The following ABCC6 variants were observed in gnomAD, a reference collection of about 807,000 sequenced individuals.
The protein encoded by ABCC6 is ATP binding cassette subfamily C member 6, also known as ATP-binding cassette sub-family C member 6.
ABCC6 carries 126 observed loss-of-function variants against 169.5 expected under a neutral mutation model. The ratio of observed to expected loss-of-function variants is 0.74; its 90% CI spans 0.64 to 0.86. ABCC6 has a LOEUF of 0.86. ABCC6 is among the 40% of genes least tolerant of loss of function. ABCC6 has a pLI of 0.00. For synonymous variants in ABCC6, 752 were observed against 814.7 expected, an observed-to-expected ratio of 0.92 and a Z score of 1.31; for missense variants, 1,733 against 1,927.2, an observed-to-expected ratio of 0.90 and a Z score of 1.89.
At chr16:16,220,748 A>T (rs2049043902) in intron 2 of ABCC6, among the ~76,000 whole-genome samples, 4 of 151,944 alleles carry the variant, frequency 2.6e-5, no homozygotes, top group Admixed American at 2.6e-4. Context: ...ATACAAAAAA[A>T]TAGCGAGGTG....
Position 16,188,947 on chromosome 16 carries a change from T to G in ABCC6, c.1663A>C (p.Thr555Pro), listed in dbSNP as rs1184073964. Residue 555 changes from threonine to proline, a missense_variant, in exon 13 of 31, where the codon ACT (threonine) becomes CCT (proline). This residue lies in a region of ABCC6 where 1,601 missense variants were observed against 1,635.5 expected (regional missense o/e 0.98). Transcript: ENST00000205557. ...LVALVVFAVHTLVAENAMNAE... is the reference protein window; with the variant it reads ...LVALVVFAVHPLVAENAMNAE... ...TTCATAGCATTCTCGGCCACCAGAG[T>G]GTGGACAGCAAACACCACCAGTGCG... 1 of 1,613,670 alleles carries G rather than the reference T, an allele frequency of 6.2e-7. No homozygotes were observed. The highest frequency in any genetic ancestry group is 2.2e-5 in the East Asian group (1 of 44,868).
At position 16,154,738 on chromosome 16, in the gene ABCC6, G is replaced by C; in HGVS notation, c.4098C>G (p.His1366Gln). The change falls in exon 29 of 31, where the codon CAC becomes CAG. Residue 1366 changes from histidine to glutamine, a missense_variant. His to Gln is a conservative substitution (Grantham distance 24). Coordinates refer to ENST00000205557, the MANE Select transcript of ABCC6 (RefSeq NM_001171.6). ...GGGCTGCCCAGATAGCCTCGTCCGA[G>C]TGCTCCTGCAGCAGGTCGAGGTTCA... ...LRMNLDLLQE[H>Q]SDEAIWAALE... 6.2e-7 allele frequency: 1 copy of C among 1,613,332 alleles called. No homozygotes were observed. The highest frequency in any genetic ancestry group is 8.5e-7 in the Non-Finnish European group (1 of 1,179,778).
At chr16:16,196,165 G>A (rs1386261991) in intron 10 of ABCC6, among the ~76,000 whole-genome samples, 1 of 145,664 alleles carries the variant, frequency 6.9e-6, no homozygotes, top group Non-Finnish European at 1.5e-5. Context: ...AGCCGAAGTT[G>A]TGCCATTGCA....
At chr16:16,206,530 C>G (rs2048397028) in intron 7 of ABCC6, among the ~76,000 whole-genome samples, 1 of 151,790 alleles carries the variant, frequency 6.6e-6, no homozygotes, top group African/African-American at 2.4e-5. Flanking sequence ...TGTGGCCTCT[C>G]AGGAGGACGC....
chr16:16,182,308 C>G (rs2047502359), intron 17 of ABCC6, 104 bp downstream of exon 17: 1 of 1,464,516 alleles, frequency 6.8e-7, no homozygotes, highest in Admixed American at 1.7e-5. Context: ...ACTTCCCTAA[C>G]CATTCCTCTC....
At chr16:16,212,715 G>A (rs1215909021) in intron 5 of ABCC6, among the ~76,000 whole-genome samples, 1 of 151,978 alleles carries the variant, frequency 6.6e-6, no homozygotes, top group African/African-American at 2.4e-5. Flanking sequence ...CGTAAAAAGA[G>A]GTTGGGCCAC....
chr16:16,166,186 ACCACAGGT>A (rs1451408911), intron 22 of ABCC6, among the ~76,000 whole-genome samples: 4 of 152,210 alleles, frequency 2.6e-5, no homozygotes, highest in Admixed American at 2.6e-4. Context: ...AGTAGCTGGG[ACCACAGGT>A]GTACGCCACC....
At chr16:16,211,507 G>A (rs2048620481) in intron 6 of ABCC6, among the ~76,000 whole-genome samples, 1 of 152,232 alleles carries the variant, frequency 6.6e-6, no homozygotes, top group Non-Finnish European at 1.5e-5. Flanking sequence ...TATGAGCTAA[G>A]TGCTACTATC....
intron 21 of ABCC6, among the ~76,000 whole-genome samples, chr16:16,172,262 G>A (rs113778398): frequency 8.4e-6 from 1 of 119,692 alleles, no homozygotes; most frequent in Non-Finnish European, 1.8e-5. Context: ...GGGTGGGTGG[G>A]ATGGATAAAT....
At position 16,173,315 on chromosome 16, in the gene ABCC6, G is replaced by A. The variant is rs2047171992; in HGVS notation, c.2756C>T (p.Pro919Leu). 1 of 1,614,012 alleles carries A rather than the reference G, an allele frequency of 6.2e-7. No homozygotes were observed. The highest frequency in any genetic ancestry group is 2.2e-5 in the East Asian group (1 of 44,866). ...PLDDPDRAGW[P>L]AGKDSIQYGR... ...GTATTGGATGCTGTCCTTTCCTGCTGGCCATCCTGCCCTGTCAGGGTCATC... is the reference window on the plus strand; with the variant it reads ...GTATTGGATGCTGTCCTTTCCTGCTAGCCATCCTGCCCTGTCAGGGTCATC... Residue 919 changes from proline (P) to leucine (L), a missense_variant, in exon 21 of 31, where the codon CCA becomes CTA. Coordinates refer to ENST00000205557, the MANE Select transcript of ABCC6 (RefSeq NM_001171.6).
At chr16:16,208,321 C>G (rs1208093251) in intron 7 of ABCC6, among the ~76,000 whole-genome samples, 1 of 151,764 alleles carries the variant, frequency 6.6e-6, no homozygotes, top group Non-Finnish European at 1.5e-5. Flanking sequence ...GGGGGCTGGA[C>G]TGGGGGTCAA....
Position 16,178,667 on chromosome 16 carries a change from A to C in ABCC6, c.2415+131T>G, listed in dbSNP as rs573745905. The C allele has an allele frequency of 4.5e-5, 47 of 1,053,616 alleles. 1 individual carries two copies. In the South Asian group the frequency reaches 5.7e-4, roughly 13 times the overall value. 65.3% of individuals were successfully genotyped at this position (1,053,616 alleles called of 1,614,324 possible). ...TGTTACATAGCATTGTCACAGCAAA[A>C]GCTGACCAATACAAAGAGGAAATTG... On this transcript the variant is annotated intron_variant, in intron 18 of 30. Transcript: ENST00000205557.
chr16:16,209,396 G>A (rs565205063), intron 6 of ABCC6, among the ~76,000 whole-genome samples: 1 of 152,034 alleles, frequency 6.6e-6, no homozygotes, highest in South Asian at 2.1e-4. Flanking sequence ...TAAATTGATA[G>A]TTTATAATTG....
chr16:16,217,045 A>G lies in ABCC6; in HGVS notation c.474+2509T>C, dbSNP rs71374733. On this transcript the variant is annotated intron_variant, in intron 4 of 30. Transcript: ENST00000205557. ...GGAGATCCCATGGGTATGAGCTAAT[A>G]AATGCATGAGCTAATGAACCCCCTT... Among the ~76,000 whole-genome samples the G allele has an allele frequency of 1.1e-4, 16 of 152,188 alleles. No homozygotes were observed. The East Asian group carries it at 1.4e-3, about 13-fold the overall frequency.
At chr16:16,189,048 G>T in intron 12 of ABCC6, 74 bp from the exon 13 acceptor site, 3 of 1,560,060 alleles carry the variant, frequency 1.9e-6, no homozygotes, top group Non-Finnish European at 8.8e-7. Flanking sequence ...GGCAAGCTGT[G>T]GTGCCTGCAC....
In ABCC6 at chr16:16,210,834, C is replaced by G. The variant is rs570541760; in HGVS notation, c.662+1351G>C. On this transcript the variant is annotated intron_variant, in intron 6 of 30. Transcript: ENST00000205557. ...TTAGGCCGGGTGCGGTGGCTTATGC[C>G]TGTAATCCCAGCACTTTGGGAGGTC... Among the ~76,000 whole-genome samples, 10 of 152,294 alleles carry G rather than the reference C, an allele frequency of 6.6e-5. No homozygotes were observed. In the East Asian group the frequency reaches 1.9e-3, roughly 29 times the overall value.
At chr16:16,160,844 TA>T (rs1374022155) in intron 25 of ABCC6, among the ~76,000 whole-genome samples, 1 of 151,858 alleles carries the variant, frequency 6.6e-6, no homozygotes, top group Non-Finnish European at 1.5e-5. Flanking sequence ...CAAAAACATA[TA>T]AAGCTCTTAG....
chr16:16,215,475 A>G (rs1366474691), intron 4 of ABCC6, among the ~76,000 whole-genome samples: 8 of 129,858 alleles, frequency 6.2e-5, no homozygotes, highest in Admixed American at 3.8e-4. Flanking sequence ...GTGTGTGTGT[A>G]TACTTTTTTT....
chr16:16,189,681 G>A (rs907862605), intron 12 of ABCC6, among the ~76,000 whole-genome samples: 1 of 152,154 alleles, frequency 6.6e-6, no homozygotes, highest in Non-Finnish European at 1.5e-5. Flanking sequence ...GCCTCCCAAA[G>A]TATTGGGACG....
Sources: gnomAD v4.1 joint callset for allele counts (sites outside exome capture counted in the v4.1 genomes callset) on GRCh38, gnomAD v4.1.1 for gene constraint, gnomAD v4.1.1 regional missense constraint, MANE v1.5 for transcripts, NCBI Gene and HGNC (gene_info 2026-07-23, HGNC 2026-07-21) for gene names.